The following SMYD2 variants were observed in gnomAD, a reference collection of about 807,000 sequenced individuals.
The protein encoded by SMYD2 is N-lysine methyltransferase SMYD2.
In SMYD2, 53 loss-of-function variants were observed where a neutral mutation model predicts 59.1. The observed-to-expected ratio is 0.90, with a 90% CI of 0.72 to 1.13. The LOEUF is 1.13. SMYD2 is among the 50% of genes most tolerant of loss of function. The pLI, the probability that SMYD2 is intolerant of heterozygous loss-of-function variation, is 0.00. For missense variants in SMYD2, 494 were observed against 544.7 expected (o/e 0.91, Z 0.93); for synonymous variants, 208 against 198.8 (o/e 1.05, Z -0.39).
At chr1:214,328,327 G>A (rs1657295227) in intron 7 of SMYD2, among the ~76,000 whole-genome samples, 1 of 152,204 alleles carries the variant, frequency 6.6e-6, no homozygotes. Flanking sequence ...GGTATATGCA[G>A]TAATAGGAGA....
chr1:214,315,084 G>A (rs527759042), intron 3 of SMYD2, among the ~76,000 whole-genome samples: 12 of 152,286 alleles, frequency 7.9e-5, no homozygotes, highest in African/African-American at 2.9e-4. Flanking sequence ...GCTTACCCTA[G>A]ACCAGGAGCA....
At chr1:214,314,398 C>G (rs1355971582) in intron 2 of SMYD2, among the ~76,000 whole-genome samples, 1 of 152,154 alleles carries the variant, frequency 6.6e-6, no homozygotes, top group African/African-American at 2.4e-5. Context: ...GCAACAAAGC[C>G]AAATCAATGG....
In SMYD2 at chr1:214,281,431, GGGCGGCGGCGGC is replaced by G. The variant is rs539190942; in HGVS notation, c.173+16_173+27del. On this transcript the variant is annotated splice_donor_5th_base_variant and intron_variant, in intron 1 of 11. Coordinates refer to ENST00000366957, the MANE Select transcript of SMYD2 (RefSeq NM_020197.3). ...ACTGCGAGTACTGCTTCACCAGGTAGGGCGGCGGCGGCGGCGGCGGCGGGCGGGAGCCGGGGG... is the reference window on the plus strand; with the variant it reads ...ACTGCGAGTACTGCTTCACCAGGTAGGGCGGCGGCGGGCGGGAGCCGGGGG... 4.8e-5 allele frequency: 68 copies of G among 1,408,960 alleles called. No individual in the cohort carries two copies. Among genetic ancestry groups the G allele is most frequent in the Non-Finnish European group, 5.7e-5 (61 of 1,077,464 alleles). 87.3% of individuals were successfully genotyped at this position (1,408,960 alleles called of 1,614,324 possible). A position where few individuals can be genotyped will look rare whatever the true frequency, so the allele number is the denominator to read the frequency against.
At chr1:214,304,555 T>G (rs1301362509) in intron 1 of SMYD2, among the ~76,000 whole-genome samples, 1 of 29,462 alleles carries the variant, frequency 3.4e-5, no homozygotes, top group African/African-American at 2.7e-4. Flanking sequence ...TGAGACCCTA[T>G]CTCAAAAAAA....
intron 3 of SMYD2, among the ~76,000 whole-genome samples, chr1:214,317,136 T>G (rs914390257): frequency 2.0e-5 from 3 of 152,188 alleles, no homozygotes; most frequent in Non-Finnish European, 4.4e-5. Flanking sequence ...GAATGGAAGA[T>G]TTCTGCTCCA....
chr1:214,325,796 T>TTTA lies in SMYD2; in HGVS notation c.602+1088_602+1089insTTA, dbSNP rs1553255940. 8.6e-3 allele frequency among the ~76,000 whole-genome samples: 1,185 copies of TTTA among 138,296 alleles called. 11 individuals carry two copies. Among genetic ancestry groups the TTTA allele is most frequent in the Non-Finnish European group, 0.016 (987 of 62,188 alleles). The allele number at this position is 138,296 out of a possible 152,430, so 90.7% of individuals were successfully genotyped here. On this transcript the variant is annotated intron_variant, in intron 6 of 11. Coordinates refer to ENST00000366957, the MANE Select transcript of SMYD2 (RefSeq NM_020197.3). ...AGCTTTTTTTTTTTTTTTTTTTTTT[T>TTTA]AACTTTGGCCCCTGGGAAAAGGCAG...
chr1:214,282,585 G>T (rs1317416242), intron 1 of SMYD2, among the ~76,000 whole-genome samples: 1 of 152,160 alleles, frequency 6.6e-6, no homozygotes, highest in East Asian at 1.9e-4. Context: ...CTCAAGTCCA[G>T]CATACTCAAT....
intron 10 of SMYD2, chr1:214,333,889 A>G (rs571300746): frequency 6.6e-5 from 15 of 228,586 alleles, no homozygotes; most frequent in African/African-American, 2.6e-4. Context: ...TCCTCTGGGT[A>G]TGTCTGAAAT....
At chr1:214,334,407 G>T (rs956395881) in intron 11 of SMYD2, 99 bp downstream of exon 11, 1 of 1,137,084 alleles carries the variant, frequency 8.8e-7, no homozygotes, top group Admixed American at 1.8e-5. Context: ...AAGCAGTGGA[G>T]GGTGAGCAGC....
intron 2 of SMYD2, among the ~76,000 whole-genome samples, chr1:214,308,861 A>G (rs1656955880): frequency 6.6e-6 from 1 of 152,188 alleles, no homozygotes; most frequent in Non-Finnish European, 1.5e-5. Context: ...ACCCCTTTAC[A>G]GTAGTGTGCT....
chr1:214,304,980 G>T (rs967724284), intron 1 of SMYD2, among the ~76,000 whole-genome samples: 1 of 152,106 alleles, frequency 6.6e-6, no homozygotes, highest in Non-Finnish European at 1.5e-5. Flanking sequence ...TGGTAAATGT[G>T]AGTGCATGCA....
In SMYD2 at chr1:214,334,197, T is replaced by TA; in HGVS notation, c.1113-2dup. On this transcript the variant is annotated splice_region_variant and splice_polypyrimidine_tract_variant and intron_variant, in intron 10 of 11. Coordinates refer to ENST00000366957, the MANE Select transcript of SMYD2 (RefSeq NM_020197.3). ...TGGCCTGTTGTCTCTTCTCTTGTTCTAGTAAGCACTATCCTTTGTACTCCC... is the reference window on the plus strand; with the variant it reads ...TGGCCTGTTGTCTCTTCTCTTGTTCTAAGTAAGCACTATCCTTTGTACTCCC... 1 of 1,612,910 alleles carries TA rather than the reference T, an allele frequency of 6.2e-7. No individual in the cohort carries two copies. Among genetic ancestry groups the TA allele is most frequent in the Non-Finnish European group, 8.5e-7 (1 of 1,179,204 alleles).
In SMYD2 at chr1:214,331,042, A is replaced by G. The variant is rs746238565; in HGVS notation, c.909A>G (p.Glu303=). 6.2e-7 allele frequency: 1 copy of G among 1,614,254 alleles called. No homozygotes were observed. Among genetic ancestry groups the G allele is most frequent in the Non-Finnish European group, 8.5e-7 (1 of 1,180,032 alleles). The change falls in exon 9 of 12, where the codon GAA becomes GAG. Residue 303 remains glutamate, a synonymous_variant. Transcript: ENST00000366957. ...TCAGATATGCACGCAACGTCATTGAAGAGTTCCGGAGGGCCAAGCACTATA... is the reference window on the plus strand; with the variant it reads ...TCAGATATGCACGCAACGTCATTGAGGAGTTCCGGAGGGCCAAGCACTATA... ...DMVRYARNVI[E]EFRRAKHYKS...
chr1:214,324,480 T>C (rs1376882076), intron 5 of SMYD2, among the ~76,000 whole-genome samples, 161 bp from the exon 6 acceptor site: 1 of 152,170 alleles, frequency 6.6e-6, no homozygotes, highest in Admixed American at 6.5e-5. Context: ...AACTGATAAG[T>C]AAATTTTGTT....
At chr1:214,327,977 A>G (rs1027300793) in intron 7 of SMYD2, among the ~76,000 whole-genome samples, 5 of 152,196 alleles carry the variant, frequency 3.3e-5, no homozygotes, top group Admixed American at 3.3e-4. Context: ...GGAAGTAATA[A>G]ATTTGAGTCA....
intron 2 of SMYD2, among the ~76,000 whole-genome samples, chr1:214,307,616 C>T (rs1656934551): frequency 1.3e-5 from 2 of 152,076 alleles, no homozygotes; most frequent in African/African-American, 4.8e-5. Flanking sequence ...GAGTTAGCTC[C>T]GAGTCTGAGT....
At chr1:214,284,322 G>A (rs1237559773) in intron 1 of SMYD2, among the ~76,000 whole-genome samples, 8 of 138,372 alleles carry the variant, frequency 5.8e-5, no homozygotes, top group Non-Finnish European at 1.1e-4. Flanking sequence ...GTGCAGTGGC[G>A]TGATCTCAGC....
intron 1 of SMYD2, among the ~76,000 whole-genome samples, chr1:214,283,518 A>G (rs565940817): frequency 2.0e-5 from 3 of 152,368 alleles, no homozygotes; most frequent in Admixed American, 6.5e-5. Flanking sequence ...TACTTATGCA[A>G]TTAGAAATAT....
At chr1:214,283,307 G>A (rs932223710) in intron 1 of SMYD2, among the ~76,000 whole-genome samples, 25 of 152,096 alleles carry the variant, frequency 1.6e-4, no homozygotes, top group Admixed American at 1.5e-3. Flanking sequence ...TTTTCTGATT[G>A]ACATTTATTA....
Sources: allele counts gnomAD v4.1 joint callset (sites outside exome capture counted in the v4.1 genomes callset), GRCh38; gene constraint gnomAD v4.1.1; transcripts MANE v1.5; gene names NCBI Gene and HGNC (gene_info 2026-07-23, HGNC 2026-07-21).